Variants in HK2 observed in about 807,000 individuals in gnomAD.
HK2 encodes the protein hexokinase-2.
In HK2, 42 loss-of-function variants were observed where a neutral mutation model predicts 92.9. The ratio of observed to expected loss-of-function variants is 0.45; its 90% CI spans 0.35 to 0.58. HK2 has a LOEUF of 0.58. HK2 is among the 20% of genes least tolerant of loss of function. The pLI is 0.00. For synonymous variants in HK2, 422 were observed against 468.0 expected (o/e 0.90, Z 1.27); for missense variants, 978 against 1,245.1 (o/e 0.79, Z 3.23).
chr2:74,878,919 C>G lies in HK2; in HGVS notation c.1263C>G (p.Pro421=), dbSNP rs1435300605. ...ACGGTTCCGTCTACAAGAAACACCCCCAGTGAGTCAGTGTGCAGGGCCTGG... is the reference window on the plus strand; with the variant it reads ...ACGGTTCCGTCTACAAGAAACACCCGCAGTGAGTCAGTGTGCAGGGCCTGG... The part of the protein sequence containing the change: ...GVDGSVYKKH[P]HFAKRLHKTV... Residue 421 remains proline, a splice_region_variant and synonymous_variant, in exon 9 of 18, where the codon CCC becomes CCG. Transcript: ENST00000290573. 5.8e-6 allele frequency: 9 copies of G among 1,550,508 alleles called. No individual in the cohort carries two copies. Among genetic ancestry groups the G allele is most frequent in the South Asian group, 1.2e-5 (1 of 84,052 alleles).
At chr2:74,841,358 T>C (rs1489821569) in intron 1 of HK2, among the ~76,000 whole-genome samples, 1 of 151,820 alleles carries the variant, frequency 6.6e-6, no homozygotes, top group African/African-American at 2.4e-5. Flanking sequence ...GGAATGTTGC[T>C]GAATATTCCA....
chr2:74,841,162 T>A (rs1688307186), intron 1 of HK2, among the ~76,000 whole-genome samples: 2 of 152,314 alleles, frequency 1.3e-5, no homozygotes, highest in African/African-American at 4.8e-5. Context: ...CCTATCTTTT[T>A]AAAATTCTTC....
At chr2:74,842,305 A>G (rs1440374076) in intron 1 of HK2, among the ~76,000 whole-genome samples, 1 of 152,192 alleles carries the variant, frequency 6.6e-6, no homozygotes, top group Admixed American at 6.5e-5. Flanking sequence ...TTCAGTATTT[A>G]TATAACCATT....
intron 8 of HK2, among the ~76,000 whole-genome samples, chr2:74,877,653 C>T (rs766995920): frequency 1.3e-5 from 2 of 152,344 alleles, no homozygotes; most frequent in Admixed American, 6.5e-5. Flanking sequence ...CCTTTTCCTT[C>T]TCCTGAAGCT....
intron 6 of HK2, 48 bp from the exon 7 acceptor site, chr2:74,874,218 G>A: frequency 6.2e-7 from 1 of 1,609,860 alleles, no homozygotes; most frequent in Non-Finnish European, 8.5e-7. Context: ...AAGAGGGGTG[G>A]GAAGGGGCCG....
intron 2 of HK2, among the ~76,000 whole-genome samples, chr2:74,866,121 G>A (rs779818031): frequency 1.3e-5 from 2 of 151,986 alleles, no homozygotes; most frequent in African/African-American, 2.4e-5. Flanking sequence ...GATGTCTACC[G>A]TTTTCCCTCT....
Position 74,879,033 on chromosome 2 carries a change from G to T in HK2, c.1265+112G>T, listed in dbSNP as rs1194699313. On this transcript the variant is annotated intron_variant, in intron 9 of 17. Coordinates refer to ENST00000290573, the MANE Select transcript of HK2 (RefSeq NM_000189.5). ...TCAGGGGTGGTGTGGAGGGACCATA[G>T]AGCTGAGGGTCTTGGTGGAATGAAA... 6 of 891,404 alleles carry T rather than the reference G, an allele frequency of 6.7e-6. No homozygotes were observed. In the Admixed American group the frequency reaches 1.2e-4, roughly 18 times the overall value. 55.2% of individuals were successfully genotyped at this position (891,404 alleles called of 1,614,324 possible).
At chr2:74,843,262 G>A (rs1183688428) in intron 1 of HK2, among the ~76,000 whole-genome samples, 1 of 152,002 alleles carries the variant, frequency 6.6e-6, no homozygotes, top group Non-Finnish European at 1.5e-5. Flanking sequence ...ACAGACCCTG[G>A]GCTGTTGAGT....
intron 2 of HK2, among the ~76,000 whole-genome samples, chr2:74,859,555 A>G (rs1394325847): frequency 1.3e-5 from 2 of 152,144 alleles, no homozygotes; most frequent in Non-Finnish European, 2.9e-5. Flanking sequence ...GCGTGGTGGC[A>G]GGCGGCTGAA....
chr2:74,868,804 A>T (rs1212738837), intron 3 of HK2, among the ~76,000 whole-genome samples: 2 of 152,216 alleles, frequency 1.3e-5, no homozygotes, highest in African/African-American at 4.8e-5. Flanking sequence ...GTGATTATGT[A>T]AAAGACTTGT....
chr2:74,867,954 G>A, intron 3 of HK2, 170 bp downstream of exon 3: 1 of 761,698 alleles, frequency 1.3e-6, no homozygotes, highest in Non-Finnish European at 2.3e-6. Context: ...AGGCTGTTCT[G>A]GTTGTATTTT....
intron 8 of HK2, among the ~76,000 whole-genome samples, chr2:74,878,424 TGTGTGTGTGTGTGTGCGCACGCACATGC>T (rs1188087531): frequency 2.0e-5 from 3 of 151,094 alleles, no homozygotes; most frequent in African/African-American, 4.9e-5. Context: ...TGTGTGTGTG[TGTGTGTGTGTGTGTGCGCACGCACATGC>T]GTGTGCGTGT....
chr2:74,865,206 T>A (rs1367624751), intron 2 of HK2, among the ~76,000 whole-genome samples: 1 of 152,066 alleles, frequency 6.6e-6, no homozygotes, highest in Non-Finnish European at 1.5e-5. Context: ...TCAGGGAATG[T>A]GTGTTCCAGA....
intron 1 of HK2, among the ~76,000 whole-genome samples, chr2:74,838,951 T>C (rs1486430337): frequency 6.6e-6 from 1 of 152,198 alleles, no homozygotes; most frequent in African/African-American, 2.4e-5. Flanking sequence ...CTCCTTTCTC[T>C]GACCATTGAC....
rs926451681 is a variant in HK2 at position 74,841,076 on chromosome 2, G to T, written c.63+6433G>T. The stretch of plus-strand genomic sequence containing the variant: ...GCTATTGACATTTTGGGACAGATAC[G>T]TTTTTTGTGAGGGGCTATCCCAGCC... On this transcript the variant is annotated intron_variant, in intron 1 of 17. Coordinates refer to ENST00000290573, the MANE Select transcript of HK2 (RefSeq NM_000189.5). 2.6e-5 allele frequency among the ~76,000 whole-genome samples: 4 copies of T among 151,978 alleles called. No homozygotes were observed. In the South Asian group the frequency reaches 8.3e-4, roughly 31 times the overall value.
chr2:74,859,539 A>G (rs932144638), intron 2 of HK2, among the ~76,000 whole-genome samples: 3 of 152,158 alleles, frequency 2.0e-5, no homozygotes, highest in Non-Finnish European at 2.9e-5. Context: ...ACAAAAAATT[A>G]GCCAGGCGTG....
At position 74,854,303 on chromosome 2, in the gene HK2, ATCTC is replaced by A. The variant is rs1267599294; in HGVS notation, c.76_79del (p.Leu26ThrfsTer35). 1 of 1,612,456 alleles carries A rather than the reference ATCTC, an allele frequency of 6.2e-7. No homozygotes were observed. Among genetic ancestry groups the A allele is most frequent in the African/African-American group, 1.3e-5 (1 of 74,862 alleles). Reference sequence around the variant, plus strand: ...TTCCTCCTTTTTCAGGTTGACCAGTATCTCTACCACATGCGCCTCTCTGATGAGA... The same window carrying A: ...TTCCTCCTTTTTCAGGTTGACCAGTATACCACATGCGCCTCTCTGATGAGA... On this transcript the variant is annotated frameshift_variant, in exon 2 of 18. Transcript: ENST00000290573. LOFTEE classifies it high-confidence loss of function.
rs1406434871 is a variant in HK2 at position 74,889,351 on chromosome 2, C to T, written c.2482C>T (p.Arg828Trp). 17 of 1,614,150 alleles carry T rather than the reference C, an allele frequency of 1.1e-5. No individual in the cohort carries two copies. Among genetic ancestry groups the T allele is most frequent in the South Asian group, 3.3e-5 (3 of 91,076 alleles). The change falls in exon 17 of 18, where the codon CGG becomes TGG. Residue 828 changes from arginine to tryptophan, a missense_variant. By Grantham distance (101) the Arg-to-Trp change is moderately radical. Around this residue, in one of 3 missense-constraint regions of HK2, gnomAD observed 742 missense variants for 922.5 expected, o/e 0.80. Coordinates refer to ENST00000290573, the MANE Select transcript of HK2 (RefSeq NM_000189.5). ...TAAGGAGGTGTGCACTGTGGTGGCC[C>T]GGCGGGCAGCCCAGCTCTGTGGCGC... ...IVKEVCTVVA[R>W]RAAQLCGAGM...
intron 2 of HK2, 39 bp downstream of exon 2, chr2:74,854,494 T>TCAGG (rs779325514): frequency 6.2e-7 from 1 of 1,612,034 alleles, no homozygotes; most frequent in South Asian, 1.1e-5. Context: ...GCTGCGTTAC[T>TCAGG]CAGGGGTGAT....
Sources: allele counts gnomAD v4.1 joint callset (sites outside exome capture counted in the v4.1 genomes callset), GRCh38; gene constraint gnomAD v4.1.1; regional missense constraint gnomAD v4.1.1; transcripts MANE v1.5; gene names NCBI Gene and HGNC (gene_info 2026-07-23, HGNC 2026-07-21).